The following MARCHF1 variants were observed in gnomAD, a reference collection of about 807,000 sequenced individuals.
MARCHF1 encodes the protein E3 ubiquitin-protein ligase MARCHF1.
Under a neutral mutation model 54.2 loss-of-function variants are expected in MARCHF1, and 40 were observed. The ratio of observed to expected loss-of-function variants is 0.74; its 90% CI spans 0.57 to 0.96. MARCHF1 has a LOEUF of 0.96. Among genes scored for constraint, MARCHF1 ranks in the 40% least tolerant of loss-of-function variants. The pLI, the probability that MARCHF1 is intolerant of heterozygous loss-of-function variation, is 0.00. For synonymous variants in MARCHF1, 236 were observed against 236.3 expected, an observed-to-expected ratio of 1.00 and a Z score of 0.01; for missense variants, 586 against 656.5, an observed-to-expected ratio of 0.89 and a Z score of 1.17.
intron 4 of MARCHF1, among the ~76,000 whole-genome samples, chr4:163,806,070 C>T (rs1040231797): frequency 3.9e-5 from 6 of 152,164 alleles, no homozygotes; most frequent in Non-Finnish European, 8.8e-5. Flanking sequence ...CTAAACTTAT[C>T]AAGGAGGAGT....
chr4:164,282,952 C>T (rs966808704), intron 1 of MARCHF1, among the ~76,000 whole-genome samples: 1 of 151,164 alleles, frequency 6.6e-6, no homozygotes, highest in Non-Finnish European at 1.5e-5. Context: ...CATTATATAC[C>T]TGCCTCTGCA....
chr4:163,562,047 A>G (rs547689614), intron 8 of MARCHF1, among the ~76,000 whole-genome samples: 1 of 152,260 alleles, frequency 6.6e-6, no homozygotes, highest in African/African-American at 2.4e-5. Flanking sequence ...CTGTAATTCC[A>G]GCACTTTGGG....
At chr4:163,977,013 A>C (rs532460810) in intron 3 of MARCHF1, among the ~76,000 whole-genome samples, 1 of 152,274 alleles carries the variant, frequency 6.6e-6, no homozygotes, top group East Asian at 1.9e-4. Flanking sequence ...TATTACACAG[A>C]AATAGCAACT....
intron 9 of MARCHF1, among the ~76,000 whole-genome samples, chr4:163,535,718 A>G (rs1019077932): frequency 4.6e-5 from 7 of 151,324 alleles, no homozygotes; most frequent in East Asian, 1.9e-4. Flanking sequence ...ATTATTCTCT[A>G]TGCAGAGAGT....
intron 3 of MARCHF1, among the ~76,000 whole-genome samples, chr4:163,856,155 CAA>C (rs1749762541): frequency 6.6e-6 from 1 of 152,092 alleles, no homozygotes; most frequent in South Asian, 2.1e-4. Context: ...CAGCTGTCAA[CAA>C]ATCATCATGA....
At chr4:164,099,592 T>G (rs1260315582) in intron 2 of MARCHF1, among the ~76,000 whole-genome samples, 1 of 152,166 alleles carries the variant, frequency 6.6e-6, no homozygotes, top group Non-Finnish European at 1.5e-5. Flanking sequence ...ATAAAACTTC[T>G]TTTCAATATC....
intron 3 of MARCHF1, among the ~76,000 whole-genome samples, chr4:163,857,407 C>A (rs1749799112): frequency 6.6e-6 from 1 of 152,038 alleles, no homozygotes; most frequent in Non-Finnish European, 1.5e-5. Flanking sequence ...AATGTGCTGT[C>A]AGCCAGAAGG....
chr4:164,180,019 T>C (rs564749421), intron 1 of MARCHF1, among the ~76,000 whole-genome samples: 1 of 150,694 alleles, frequency 6.6e-6, no homozygotes, highest in Admixed American at 6.7e-5. Flanking sequence ...CCACTGACTC[T>C]GTAGCAGTGA....
At chr4:164,064,819 T>A (rs1754692939) in intron 2 of MARCHF1, among the ~76,000 whole-genome samples, 1 of 152,218 alleles carries the variant, frequency 6.6e-6, no homozygotes, top group Non-Finnish European at 1.5e-5. Flanking sequence ...TGAGGTATGT[T>A]CCTTTAATAC....
At chr4:164,188,609 G>A (rs115703013) in intron 1 of MARCHF1, 3 of 897,276 alleles carry the variant, frequency 3.3e-6, no homozygotes, top group South Asian at 2.6e-5. Context: ...TCTGATCGGC[G>A]ATGCCGCCAC....
rs141386195 is a variant in MARCHF1 at position 164,350,855 on chromosome 4, A to G, written c.-323+33015T>C. Reference sequence around the variant, plus strand: ...TCTGCATTTCCATCTGAGGTACCGCATTCATCTCACTAGGGAGTGCCAGAC... The same window carrying G: ...TCTGCATTTCCATCTGAGGTACCGCGTTCATCTCACTAGGGAGTGCCAGAC... On this transcript the variant is annotated intron_variant, in intron 1 of 9. Coordinates refer to ENST00000514618, the MANE Select transcript of MARCHF1 (RefSeq NM_001394959.1). 1.5e-4 allele frequency among the ~76,000 whole-genome samples: 22 copies of G among 150,906 alleles called. 1 individual carries two copies. The highest frequency in any genetic ancestry group is 6.3e-4 in the South Asian group (3 of 4,780).
chr4:163,773,803 ATAAT>A (rs909520090), intron 4 of MARCHF1, among the ~76,000 whole-genome samples: 2 of 152,184 alleles, frequency 1.3e-5, no homozygotes, highest in African/African-American at 4.8e-5. Flanking sequence ...CTATAATCTG[ATAAT>A]TAATCAGTGA....
intron 7 of MARCHF1, among the ~76,000 whole-genome samples, chr4:163,591,264 T>G (rs781238908): frequency 6.6e-5 from 10 of 152,014 alleles, no homozygotes; most frequent in Non-Finnish European, 1.2e-4. Context: ...TCCTCAAGTA[T>G]GTTCTTCATA....
At chr4:163,742,214 G>A (rs1746216650) in intron 4 of MARCHF1, among the ~76,000 whole-genome samples, 1 of 152,110 alleles carries the variant, frequency 6.6e-6, no homozygotes, top group South Asian at 2.1e-4. Flanking sequence ...TTCATCGATT[G>A]TGCTCACTTT....
intron 1 of MARCHF1, among the ~76,000 whole-genome samples, chr4:164,119,276 T>C (rs1203334044): frequency 6.6e-6 from 1 of 151,462 alleles, no homozygotes; most frequent in East Asian, 1.9e-4. Context: ...AAGGGATAAT[T>C]AAAATCAAAA....
intron 8 of MARCHF1, among the ~76,000 whole-genome samples, chr4:163,554,153 G>A (rs564263267): frequency 6.6e-6 from 1 of 152,124 alleles, no homozygotes; most frequent in African/African-American, 2.4e-5. Context: ...ATAAATCCAA[G>A]CATGGTTGAA....
At chr4:164,295,949 A>G (rs1280176577) in intron 1 of MARCHF1, among the ~76,000 whole-genome samples, 2 of 152,176 alleles carry the variant, frequency 1.3e-5, no homozygotes, top group Non-Finnish European at 2.9e-5. Flanking sequence ...GGTGAATCTA[A>G]AAGCAAAAAC....
intron 1 of MARCHF1, among the ~76,000 whole-genome samples, chr4:164,338,284 T>C (rs1275734738): frequency 6.6e-6 from 1 of 151,824 alleles, no homozygotes; most frequent in Non-Finnish European, 1.5e-5. Context: ...TACACTAAGA[T>C]AAAGAGGAAA....
At chr4:164,079,509 CTCT>C (rs1755051316) in intron 2 of MARCHF1, among the ~76,000 whole-genome samples, 2 of 152,030 alleles carry the variant, frequency 1.3e-5, no homozygotes, top group African/African-American at 2.4e-5. Context: ...TAGACAACAT[CTCT>C]TCTTATTTAA....
Sources: gnomAD v4.1 joint callset for allele counts (sites outside exome capture counted in the v4.1 genomes callset) on GRCh38, gnomAD v4.1.1 for gene constraint, MANE v1.5 for transcripts, NCBI Gene and HGNC (gene_info 2026-07-23, HGNC 2026-07-21) for gene names.